The following CHD7 variants were observed in gnomAD, a reference collection of about 807,000 sequenced individuals.
CHD7 encodes chromodomain helicase DNA binding protein 7.
Under a neutral mutation model 307.3 loss-of-function variants are expected in CHD7, and 24 were observed. The observed-to-expected ratio is 0.08, with a 90% CI of 0.06 to 0.11. The LOEUF (loss-of-function observed/expected upper bound fraction) is 0.11. Ranked by LOEUF, CHD7 falls within the 10% of genes least tolerant of loss-of-function variation. CHD7 has a pLI of 1.00. For synonymous variants in CHD7, 1,363 were observed against 1,349.9 expected (o/e 1.01, Z -0.21); for missense variants, 3,106 against 3,727.1 (o/e 0.83, Z 4.34).
intron 3 of CHD7, 99 bp from the exon 4 acceptor site, chr8:60,794,887 A>T (rs1811943150): frequency 2.5e-5 from 28 of 1,107,462 alleles, no homozygotes; most frequent in Non-Finnish European, 3.6e-5. Flanking sequence ...TGGATTTATC[A>T]GTTGTCATTG....
chr8:60,680,433 T>C (rs1372867218), intron 1 of CHD7, among the ~76,000 whole-genome samples: 18 of 33,604 alleles, frequency 5.4e-4, no homozygotes, highest in Admixed American at 1.9e-3. Flanking sequence ...CGGCGGCGGC[T>C]CCCGGGCGGG....
rs759644789 is a variant in CHD7 at position 60,854,460 on chromosome 8, C to T, written c.6873C>T (p.Asp2291=). ...DETRDGFYME[D]GDPSVAQLLH... The stretch of plus-strand genomic sequence containing the variant: ...CCCGAGATGGATTCTACATGGAGGA[C>T]GGAGATCCTTCAGTAGCTCAGCTCC... The change falls in exon 32 of 38, where the codon GAC becomes GAT. Residue 2291 remains aspartate (D), a synonymous_variant. Transcript: ENST00000423902. The T allele has an allele frequency of 3.3e-5, 54 of 1,612,608 alleles. No individual in the cohort carries two copies. The highest frequency in any genetic ancestry group is 5.0e-5 in the Admixed American group (3 of 59,940).
At chr8:60,716,732 CGTT>C (rs1477468004) in intron 1 of CHD7, among the ~76,000 whole-genome samples, 1 of 152,200 alleles carries the variant, frequency 6.6e-6, no homozygotes, top group Admixed American at 6.5e-5. Context: ...ATGAAGGAAT[CGTT>C]GTCCATAATG....
At chr8:60,804,634 AT>A (rs1343101599) in intron 6 of CHD7, among the ~76,000 whole-genome samples, 1 of 152,188 alleles carries the variant, frequency 6.6e-6, no homozygotes, top group African/African-American at 2.4e-5. Context: ...TGATAACTTT[AT>A]TGAGGTGCTT....
intron 1 of CHD7, among the ~76,000 whole-genome samples, chr8:60,693,039 C>G (rs1586170170): frequency 6.6e-6 from 1 of 152,344 alleles, no homozygotes; most frequent in East Asian, 1.9e-4. Flanking sequence ...AAGCCCAGCC[C>G]TTTCTCTTGA....
Position 60,865,605 on chromosome 8 carries a change from C to G in CHD7, c.8666C>G (p.Ala2889Gly), listed in dbSNP as rs772828151. Reference protein sequence around the residue: ...APAGLPSNPLAFNPFLLSTMA... With the variant: ...APAGLPSNPLGFNPFLLSTMA... ...GCTGGATTGCCCTCAAACCCGCTAG[C>G]CTTCAACCCTTTCCTCCTGTCCACA... The change falls in exon 38 of 38, where the codon GCC becomes GGC. Residue 2889 changes from alanine (A) to glycine (G), a missense_variant. Around this residue, in one of 10 missense-constraint regions of CHD7, gnomAD observed 351 missense variants for 366.2 expected, o/e 0.96. Coordinates refer to ENST00000423902, the MANE Select transcript of CHD7 (RefSeq NM_017780.4). This position sits in a 1 kb window ranked among gnomAD's most constrained non-coding sequence, Gnocchi z 4.3. 1 of 1,613,932 alleles carries G rather than the reference C, an allele frequency of 6.2e-7. No individual in the cohort carries two copies. Among genetic ancestry groups the G allele is most frequent in the Non-Finnish European group, 8.5e-7 (1 of 1,179,776 alleles).
chr8:60,783,294 CA>C (rs1465313424), intron 3 of CHD7, among the ~76,000 whole-genome samples: 11 of 152,112 alleles, frequency 7.2e-5, no homozygotes, highest in Admixed American at 2.0e-4. Flanking sequence ...CTGTATTTAA[CA>C]ATGAAATTTG....
intron 3 of CHD7, among the ~76,000 whole-genome samples, chr8:60,792,159 T>C (rs1214180737): frequency 1.3e-5 from 2 of 152,210 alleles, no homozygotes; most frequent in African/African-American, 4.8e-5. Flanking sequence ...CAGTTCGAAC[T>C]GGAACTAAGG....
At position 60,856,641 on chromosome 8, in the gene CHD7, C is replaced by T; in HGVS notation, c.7361C>T (p.Ser2454Phe). ...LSKASREATSSTSNFSSLSSK... is the reference protein window; with the variant it reads ...LSKASREATSFTSNFSSLSSK... ...AAGGCCTCAAGAGAGGCAACAAGCT[C>T]TACCTCAAATTTTTCATCTCTTTCT... The change falls in exon 34 of 38, where the codon TCT (serine) becomes TTT (phenylalanine). Residue 2454 changes from serine to phenylalanine, a missense_variant. Around this residue, in one of 10 missense-constraint regions of CHD7, gnomAD observed 1,030 missense variants for 1,165.4 expected, o/e 0.88. Transcript: ENST00000423902. 6.2e-7 allele frequency: 1 copy of T among 1,614,040 alleles called. No individual in the cohort carries two copies. Among genetic ancestry groups the T allele is most frequent in the African/African-American group, 1.3e-5 (1 of 75,064 alleles).
chr8:60,686,748 A>G (rs1045203011), intron 1 of CHD7, among the ~76,000 whole-genome samples: 7 of 152,216 alleles, frequency 4.6e-5, no homozygotes, highest in Admixed American at 3.3e-4. Flanking sequence ...TCCTTTCCCT[A>G]GTATCCTCAG....
At chr8:60,842,108 C>T in intron 21 of CHD7, 56 bp downstream of exon 21, 1 of 1,397,988 alleles carries the variant, frequency 7.2e-7, no homozygotes. Flanking sequence ...GTTAGAATTC[C>T]CAACTGGTAG....
At chr8:60,704,477 A>C (rs1037714325) in intron 1 of CHD7, among the ~76,000 whole-genome samples, 2 of 152,002 alleles carry the variant, frequency 1.3e-5, no homozygotes, top group African/African-American at 2.4e-5. Flanking sequence ...TTCTTGCCCA[A>C]AGGTTCTGCG....
intron 2 of CHD7, among the ~76,000 whole-genome samples, chr8:60,750,084 G>A (rs781064228): frequency 3.9e-5 from 6 of 152,272 alleles, no homozygotes; most frequent in South Asian, 4.1e-4. Context: ...TGATAGCCTC[G>A]CTCCTTAGAT....
intron 1 of CHD7, among the ~76,000 whole-genome samples, chr8:60,734,683 A>G (rs1030970124): frequency 2.0e-5 from 3 of 152,190 alleles, no homozygotes; most frequent in Non-Finnish European, 4.4e-5. Context: ...AACTTTGAGT[A>G]GTTTGATATA....
rs1481698349 is a variant in CHD7, at chr8:60,845,389, C to T, written c.5190C>T (p.His1730=). The change falls in exon 23 of 38, where the codon CAC becomes CAT. Residue 1730 remains histidine, a synonymous_variant. Coordinates refer to ENST00000423902, the MANE Select transcript of CHD7 (RefSeq NM_017780.4). ...TCCAGGAGGACAGCTACAAGAAACACCTGAAGCATCACTGTAACAAGTATG... is the reference window on the plus strand; with the variant it reads ...TCCAGGAGGACAGCTACAAGAAACATCTGAAGCATCACTGTAACAAGTATG... The part of the protein sequence containing the change: ...ALFQEDSYKK[H]LKHHCNKVLL... The T allele has an allele frequency of 6.2e-7, 1 of 1,613,974 alleles. No individual in the cohort carries two copies. The highest frequency in any genetic ancestry group is 8.5e-7 in the Non-Finnish European group (1 of 1,179,874).
intron 2 of CHD7, among the ~76,000 whole-genome samples, chr8:60,750,461 T>TA (rs1179256030): frequency 6.6e-6 from 1 of 152,204 alleles, no homozygotes. Flanking sequence ...TTTGTGTACT[T>TA]ACTATGTTCT....
intron 4 of CHD7, among the ~76,000 whole-genome samples, chr8:60,798,364 A>C (rs1160610232): frequency 6.6e-6 from 1 of 152,224 alleles, no homozygotes; most frequent in Non-Finnish European, 1.5e-5. Flanking sequence ...CTCACATCAG[A>C]AAAGTACTTT....
At chr8:60,704,941 C>T (rs890576883) in intron 1 of CHD7, among the ~76,000 whole-genome samples, 7 of 152,150 alleles carry the variant, frequency 4.6e-5, no homozygotes, top group Non-Finnish European at 7.3e-5. Flanking sequence ...ACTGTTCAAT[C>T]ACATGCCTTA....
At chr8:60,714,756 C>G (rs1373035705) in intron 1 of CHD7, among the ~76,000 whole-genome samples, 1 of 152,212 alleles carries the variant, frequency 6.6e-6, no homozygotes, top group Non-Finnish European at 1.5e-5. Context: ...GGAGACCTGG[C>G]TAGGTCCCCG....
Sources: allele counts gnomAD v4.1 joint callset (sites outside exome capture counted in the v4.1 genomes callset), GRCh38; gene constraint gnomAD v4.1.1; regional missense constraint gnomAD v4.1.1; non-coding constraint Gnocchi (gnomAD v3.1); transcripts MANE v1.5; gene names NCBI Gene and HGNC (gene_info 2026-07-23, HGNC 2026-07-21).